Variants in OC90 observed in about 807,000 individuals in gnomAD.
OC90 encodes the protein otoconin-90.
A neutral mutation model predicts 47.3 loss-of-function variants in OC90; 46 were observed. The observed-to-expected ratio is 0.97, with a 90% confidence interval of 0.77 to 1.24. The LOEUF (loss-of-function observed/expected upper bound fraction) is 1.24. OC90 is among the 50% of genes most tolerant of loss of function. The pLI, the probability that OC90 is intolerant of heterozygous loss-of-function variation, is 0.00. For missense variants in OC90, 688 were observed against 583.9 expected, an observed-to-expected ratio of 1.18 and a Z score of -1.84; for synonymous variants, 271 against 219.5, an observed-to-expected ratio of 1.23 and a Z score of -2.07.
intron 1 of OC90, 69 bp from the exon 2 acceptor site, chr8:132,055,142 C>T: frequency 1.2e-6 from 1 of 824,230 alleles, no homozygotes; most frequent in Admixed American, 2.7e-5. Context: ...CCATGGGACC[C>T]CCATGTCCTT....
At chr8:132,025,056 G>A (rs1169028588) in intron 13 of OC90, among the ~76,000 whole-genome samples, 2 of 152,264 alleles carry the variant, frequency 1.3e-5, no homozygotes. Flanking sequence ...GCTAAGGGAA[G>A]TGTCTTTCCT....
intron 9 of OC90, 112 bp downstream of exon 9, chr8:132,037,326 T>C: frequency 1.1e-6 from 1 of 874,014 alleles, no homozygotes. Flanking sequence ...ATCCCTTCGG[T>C]GCTGTTCTTG....
intron 11 of OC90, among the ~76,000 whole-genome samples, chr8:132,032,801 G>A (rs1822894646): frequency 6.6e-6 from 1 of 152,122 alleles, no homozygotes; most frequent in African/African-American, 2.4e-5. Flanking sequence ...GCAGCACAAG[G>A]TCAGGGGCTC....
chr8:132,057,469 A>C (rs1445775835), intron 1 of OC90, among the ~76,000 whole-genome samples: 1 of 152,220 alleles, frequency 6.6e-6, no homozygotes, highest in African/African-American at 2.4e-5. Flanking sequence ...CTATGCTCTA[A>C]TTTATTTTTG....
At chr8:132,047,456 A>G (rs891773427) in intron 2 of OC90, among the ~76,000 whole-genome samples, 1 of 152,198 alleles carries the variant, frequency 6.6e-6, no homozygotes, top group African/African-American at 2.4e-5. Flanking sequence ...AAGCCAACTC[A>G]CTTTTTTGTT....
chr8:132,057,182 G>C (rs1024214510), intron 1 of OC90, among the ~76,000 whole-genome samples: 2 of 152,202 alleles, frequency 1.3e-5, no homozygotes, highest in African/African-American at 2.4e-5. Context: ...CGAGGTCAAA[G>C]GCTCAATAAG....
chr8:132,054,089 T>A (rs1286967182), intron 2 of OC90, among the ~76,000 whole-genome samples: 2 of 152,134 alleles, frequency 1.3e-5, no homozygotes, highest in Non-Finnish European at 2.9e-5. Context: ...ACAGGAAGCA[T>A]AACTGACCAA....
intron 11 of OC90, among the ~76,000 whole-genome samples, chr8:132,032,743 G>C (rs1004032809): frequency 3.9e-5 from 6 of 152,132 alleles, no homozygotes; most frequent in Non-Finnish European, 7.4e-5. Flanking sequence ...AATAAAGCAC[G>C]GTGTGGACGA....
intron 1 of OC90, among the ~76,000 whole-genome samples, chr8:132,058,723 T>C (rs1823309235): frequency 6.6e-6 from 1 of 152,170 alleles, no homozygotes; most frequent in South Asian, 2.1e-4. Flanking sequence ...CGGCACTTGC[T>C]CAGTGCTCAG....
At chr8:132,032,479 C>G (rs1369394908) in intron 11 of OC90, among the ~76,000 whole-genome samples, 1 of 152,138 alleles carries the variant, frequency 6.6e-6, no homozygotes, top group African/African-American at 2.4e-5. Context: ...TCCGTCTCCC[C>G]ACTCCCCTCT....
intron 2 of OC90, among the ~76,000 whole-genome samples, chr8:132,050,705 C>T (rs1823200693): frequency 6.6e-6 from 1 of 152,126 alleles, no homozygotes; most frequent in Non-Finnish European, 1.5e-5. Flanking sequence ...TCAATGTATA[C>T]AATATAACTG....
intron 5 of OC90, among the ~76,000 whole-genome samples, 165 bp downstream of exon 5, chr8:132,041,360 T>G (rs1233492798): frequency 5.9e-5 from 9 of 152,160 alleles, no homozygotes; most frequent in Admixed American, 2.0e-4. Flanking sequence ...ACAGATGACA[T>G]TGCCATGTAA....
chr8:132,041,021 CT>C, intron 6 of OC90, 22 bp downstream of exon 6: 1 of 1,436,400 alleles, frequency 7.0e-7, no homozygotes, highest in Non-Finnish European at 9.8e-7. Flanking sequence ...GCCCAGGCCC[CT>C]GGGACACCTG....
chr8:132,031,121 T>A (rs768388423), intron 12 of OC90, among the ~76,000 whole-genome samples: 1 of 152,226 alleles, frequency 6.6e-6, no homozygotes, highest in Non-Finnish European at 1.5e-5. Flanking sequence ...TCAGGTTGAG[T>A]GCTCCATGGT....
chr8:132,042,867 A>T (rs1303706369), intron 4 of OC90, among the ~76,000 whole-genome samples: 1 of 152,256 alleles, frequency 6.6e-6, no homozygotes, highest in Non-Finnish European at 1.5e-5. Context: ...AGATTTCTCA[A>T]ATAACCTAAA....
At chr8:132,028,501 GAAAGAA>G (rs1309228080) in intron 13 of OC90, among the ~76,000 whole-genome samples, 1 of 138,254 alleles carries the variant, frequency 7.2e-6, no homozygotes, top group Non-Finnish European at 1.6e-5. Context: ...ACACCATCAA[GAAAGAA>G]AAAGAAAAAG....
At chr8:132,035,369 C>T (rs1822942326) in intron 9 of OC90, among the ~76,000 whole-genome samples, 1 of 152,136 alleles carries the variant, frequency 6.6e-6, no homozygotes, top group African/African-American at 2.4e-5. Flanking sequence ...TGGTTCTATG[C>T]TCACCCTCAT....
rs368364123 is a variant in OC90 at position 132,053,452 on chromosome 8, G to T, written c.46+1529C>A. On this transcript the variant is annotated intron_variant, in intron 2 of 13. Transcript: ENST00000254627. ...CCACACCATCAAATGGCCAGTGAGT[G>T]GTGGCCTGCTAGAATCAGAGAATCT... Among the ~76,000 whole-genome samples the T allele has an allele frequency of 2.6e-5, 4 of 152,302 alleles. No homozygotes were observed. The East Asian group carries it at 7.7e-4, about 29-fold the overall frequency.
chr8:132,032,949 T>C, intron 11 of OC90, 90 bp downstream of exon 11: 2 of 1,409,066 alleles, frequency 1.4e-6, no homozygotes, highest in Non-Finnish European at 1.9e-6. Flanking sequence ...CATGAGAAGG[T>C]CACAGTGTGA....
Sources: gnomAD v4.1 joint callset for allele counts (sites outside exome capture counted in the v4.1 genomes callset) on GRCh38, gnomAD v4.1.1 for gene constraint, MANE v1.5 for transcripts, NCBI Gene and HGNC (gene_info 2026-07-23, HGNC 2026-07-21) for gene names.